ENO1: variants seen among roughly 807,000 people sequenced by gnomAD.
The protein encoded by ENO1 is enolase 1.
In ENO1, 33 loss-of-function variants were observed where a neutral mutation model predicts 46.3. That is an observed-to-expected ratio of 0.71 (90% CI 0.54 to 0.95). The LOEUF is 0.95. ENO1 is among the 40% of genes least tolerant of loss of function. The pLI is 0.00. For synonymous variants in ENO1, 220 were observed against 216.0 expected (o/e 1.02, Z -0.16); for missense variants, 488 against 553.3 (o/e 0.88, Z 1.18).
intron 1 of ENO1, chr1:8,876,273 T>C (rs978575379): frequency 6.6e-6 from 1 of 152,220 alleles, no homozygotes; most frequent in African/African-American, 2.4e-5. Context: ...TCAAAATTAT[T>C]TACTGAAGTC....
chr1:8,877,043 G>T (rs1242760918), intron 1 of ENO1, among the ~76,000 whole-genome samples: 2 of 151,216 alleles, frequency 1.3e-5, no homozygotes, highest in African/African-American at 4.9e-5. Flanking sequence ...AGGCTAGAGT[G>T]CAGTGACACG....
rs1326131451 is a variant in ENO1 at position 8,866,361 on chromosome 1, G to A, written c.585C>T (p.Val195=). 6.2e-7 allele frequency: 1 copy of A among 1,614,068 alleles called. No individual in the cohort carries two copies. The highest frequency in any genetic ancestry group is 8.5e-7 in the Non-Finnish European group (1 of 1,180,054). The change falls in exon 7 of 12, where the codon GTC becomes GTT. Residue 195 remains valine (V), a synonymous_variant. Transcript: ENST00000234590. ...CATCTTTCCCATATTTCTCCTTGAT[G>A]ACATTCTTCAGGTTGTGGTAAACCT... ...GAEVYHNLKN[V]IKEKYGKDAT...
At position 8,868,116 on chromosome 1, in the gene ENO1, T is replaced by TCCCC. The variant is rs1182917697; in HGVS notation, c.241-63_241-60dup. ...CCACTCTTATCTGCATAGCCTTTGC[T>TCCCC]CCCCTACCATGGAATCTGACTTTGG... On this transcript the variant is annotated intron_variant, in intron 4 of 11. Transcript: ENST00000234590. 6.5e-6 allele frequency: 8 copies of TCCCC among 1,231,288 alleles called. No homozygotes were observed. In the South Asian group the frequency reaches 8.8e-5, roughly 14 times the overall value. The allele number at this position is 1,231,288 out of a possible 1,614,324, so 76.3% of individuals were successfully genotyped here. A position where few individuals can be genotyped will look rare whatever the true frequency, so the allele number is the denominator to read the frequency against.
At position 8,866,546 on chromosome 1, in the gene ENO1, C is replaced by G. The variant is rs145794095; in HGVS notation, c.445-45G>C. ...GAAGCATGGCACTGGGTCCAGAGAG[C>G]CCCACAGGGCAGTAAGCCCCTCTGG... On this transcript the variant is annotated intron_variant, in intron 6 of 11. Transcript: ENST00000234590. The G allele has an allele frequency of 1.0e-4, 163 of 1,598,554 alleles. No individual in the cohort carries two copies. In the Middle Eastern group the frequency reaches 2.2e-3, roughly 21 times the overall value.
intron 8 of ENO1, 59 bp from the exon 9 acceptor site, chr1:8,864,151 T>C (rs1022722030): frequency 1.3e-6 from 2 of 1,564,100 alleles, no homozygotes; most frequent in African/African-American, 2.7e-5. Flanking sequence ...TCCACCGCAA[T>C]GCCCAGCCTT....
intron 4 of ENO1, among the ~76,000 whole-genome samples, chr1:8,868,471 G>A (rs1642568331): frequency 6.6e-6 from 1 of 152,124 alleles, no homozygotes; most frequent in Non-Finnish European, 1.5e-5. Flanking sequence ...GCCCTTGAAA[G>A]GCAGGCTCTG....
chr1:8,875,530 G>A (rs1302612789), intron 1 of ENO1, among the ~76,000 whole-genome samples: 1 of 152,216 alleles, frequency 6.6e-6, no homozygotes, highest in Non-Finnish European at 1.5e-5. Flanking sequence ...AAAAGAGGGT[G>A]GCGGGACCAG....
At chr1:8,868,709 AGAGTCTCATTC>A (rs1334084876) in intron 4 of ENO1, among the ~76,000 whole-genome samples, 1 of 152,226 alleles carries the variant, frequency 6.6e-6, no homozygotes, top group Non-Finnish European at 1.5e-5. Flanking sequence ...TTTTTAAGAC[AGAGTCTCATTC>A]TGTTGCCAAG....
At position 8,864,015 on chromosome 1, in the gene ENO1, C is replaced by T. The variant is rs898817611; in HGVS notation, c.943G>A (p.Val315Ile). 6.2e-7 allele frequency: 1 copy of T among 1,614,068 alleles called. No homozygotes were observed. Among genetic ancestry groups the T allele is most frequent in the African/African-American group, 1.3e-5 (1 of 74,908 alleles). Residue 315 changes from valine to isoleucine, a missense_variant, in exon 9 of 12, where the codon GTA becomes ATA. Physicochemically the swap from Val to Ile is conservative, Grantham distance 29 (BLOSUM62 3). Transcript: ENST00000234590. Reference sequence around the variant, plus strand: ...GTCACTGTGAGATCATCCCCCACTACCTGGATTCCTGCACTGGCTGTGAAC... The same window carrying T: ...GTCACTGTGAGATCATCCCCCACTATCTGGATTCCTGCACTGGCTGTGAAC... ...QKFTASAGIQ[V>I]VGDDLTVTNP...
At chr1:8,864,332 ACT>A (rs1250564063) in intron 8 of ENO1, among the ~76,000 whole-genome samples, 8 of 151,836 alleles carry the variant, frequency 5.3e-5, no homozygotes, top group African/African-American at 1.9e-4. Flanking sequence ...AAAAAATCTC[ACT>A]CTGTCACCCA....
chr1:8,866,550 A>T (rs1642523780), intron 6 of ENO1, 49 bp from the exon 7 acceptor site: 1 of 1,597,388 alleles, frequency 6.3e-7, no homozygotes, highest in African/African-American at 1.3e-5. Context: ...AGAGAGCCCC[A>T]CAGGGCAGTA....
At chr1:8,867,341 C>A in intron 5 of ENO1, 91 bp from the exon 6 acceptor site, 1 of 1,518,072 alleles carries the variant, frequency 6.6e-7, no homozygotes, top group Non-Finnish European at 9.0e-7. Context: ...TATTCTGCAC[C>A]ATCTCCTCCC....
intron 11 of ENO1, among the ~76,000 whole-genome samples, chr1:8,862,084 G>A (rs917503737): frequency 1.3e-5 from 2 of 152,136 alleles, no homozygotes; most frequent in African/African-American, 4.8e-5. Context: ...GGAGGCAGAG[G>A]TTGCAGTGAG....
intron 1 of ENO1, chr1:8,875,644 T>C (rs2124108196): frequency 6.6e-6 from 1 of 152,384 alleles, no homozygotes; most frequent in East Asian, 1.9e-4. Context: ...TCAGAAATTC[T>C]GAGTTTGGAA....
At chr1:8,864,279 CA>C (rs1642466715) in intron 8 of ENO1, among the ~76,000 whole-genome samples, 187 bp from the exon 9 acceptor site, 1 of 152,062 alleles carries the variant, frequency 6.6e-6, no homozygotes, top group Non-Finnish European at 1.5e-5. Context: ...CAGCAGGGGA[CA>C]AAAGTCACCC....
At chr1:8,870,364 T>C in intron 4 of ENO1, 88 bp downstream of exon 4, 1 of 1,532,702 alleles carries the variant, frequency 6.5e-7, no homozygotes, top group South Asian at 1.1e-5. Flanking sequence ...GCTCTCAGAA[T>C]AAGCTCTTCC....
At chr1:8,872,110 G>A (rs1477842180) in intron 2 of ENO1, 124 bp from the exon 3 acceptor site, 9 of 757,132 alleles carry the variant, frequency 1.2e-5, no homozygotes, top group Non-Finnish European at 1.8e-5. Flanking sequence ...TACCAGCTGT[G>A]TGAATTAAAC....
intron 4 of ENO1, among the ~76,000 whole-genome samples, chr1:8,869,381 C>G (rs1391315490): frequency 6.6e-6 from 1 of 151,734 alleles, no homozygotes; most frequent in Non-Finnish European, 1.5e-5. Flanking sequence ...GGGGGCTGGT[C>G]GGGCAGGGAG....
intron 8 of ENO1, among the ~76,000 whole-genome samples, chr1:8,864,766 T>C (rs1642476505): frequency 6.6e-6 from 1 of 152,172 alleles, no homozygotes; most frequent in Non-Finnish European, 1.5e-5. Flanking sequence ...AGGGTAGTGG[T>C]TAAACACACA....
Sources: gnomAD v4.1 joint callset for allele counts (sites outside exome capture counted in the v4.1 genomes callset) on GRCh38, gnomAD v4.1.1 for gene constraint, MANE v1.5 for transcripts, NCBI Gene and HGNC (gene_info 2026-07-23, HGNC 2026-07-21) for gene names.